Variants in SLC9A9 observed in about 807,000 individuals in gnomAD.
The protein encoded by SLC9A9 is solute carrier family 9 member A9.
A neutral mutation model predicts 77.8 loss-of-function variants in SLC9A9; 62 were observed. The observed-to-expected ratio is 0.80, with a 90% CI of 0.65 to 0.98. The LOEUF (loss-of-function observed/expected upper bound fraction) is 0.98, where lower values mean the gene tolerates loss of function less well. Ranked by LOEUF, SLC9A9 falls within the 50% of genes least tolerant of loss-of-function variation. The probability of loss-of-function intolerance (pLI) is 0.00; values close to 1 mark genes in which losing one functional copy is unlikely to be tolerated. For synonymous variants in SLC9A9, 320 were observed against 283.5 expected (o/e 1.13, Z -1.29); for missense variants, 775 against 774.9 (o/e 1.00, Z 0.00).
In SLC9A9 at chr3:143,268,103, G is replaced by A. The variant is rs1003287145; in HGVS notation, c.1710+772C>T. Among the ~76,000 whole-genome samples the A allele has an allele frequency of 2.6e-5, 4 of 152,190 alleles. No homozygotes were observed. In the East Asian group the frequency reaches 5.8e-4, roughly 22 times the overall value. On this transcript the variant is annotated intron_variant, in intron 15 of 15. Coordinates refer to ENST00000316549, the MANE Select transcript of SLC9A9 (RefSeq NM_173653.4). ...TGTGCCCTGAACACACCTGAGATAA[G>A]TTTTTGCCTGTGTACAGGGCTAGCC...
intron 4 of SLC9A9, among the ~76,000 whole-genome samples, chr3:143,743,237 GGATGGATAGATAGATAGATA>G (rs1385065026): frequency 7.4e-6 from 1 of 134,382 alleles, no homozygotes; most frequent in Non-Finnish European, 1.6e-5. Flanking sequence ...ATGGATGGAT[GGATGGATAGATAGATAGATA>G]GATAGATAGA....
chr3:143,687,928 T>C (rs962365184), intron 5 of SLC9A9, among the ~76,000 whole-genome samples: 17 of 152,022 alleles, frequency 1.1e-4, no homozygotes, highest in African/African-American at 3.9e-4. Flanking sequence ...TCCACTCAGG[T>C]GTTTGATACG....
chr3:143,558,805 A>T (rs2037031990), intron 8 of SLC9A9, among the ~76,000 whole-genome samples: 1 of 151,854 alleles, frequency 6.6e-6, no homozygotes. Flanking sequence ...ACTTTGGGGG[A>T]CTGTTGGAAG....
chr3:143,452,735 T>C (rs2035030063), intron 12 of SLC9A9, among the ~76,000 whole-genome samples: 1 of 151,676 alleles, frequency 6.6e-6, no homozygotes, highest in African/African-American at 2.4e-5. Flanking sequence ...AGAATGTCCT[T>C]ATTTCTAGGT....
At chr3:143,605,613 A>G (rs1446695845) in intron 6 of SLC9A9, among the ~76,000 whole-genome samples, 1 of 152,276 alleles carries the variant, frequency 6.6e-6, no homozygotes, top group Non-Finnish European at 1.5e-5. Context: ...GTACATCTGC[A>G]GATGAGATCT....
chr3:143,523,305 C>T (rs952979595), intron 9 of SLC9A9, among the ~76,000 whole-genome samples: 7 of 152,104 alleles, frequency 4.6e-5, no homozygotes, highest in African/African-American at 1.7e-4. Flanking sequence ...TCAACTTGTA[C>T]ATTGAAATGA....
chr3:143,404,184 T>C (rs2033923573), intron 12 of SLC9A9, among the ~76,000 whole-genome samples: 1 of 151,210 alleles, frequency 6.6e-6, no homozygotes, highest in South Asian at 2.1e-4. Context: ...TTTTCTTTTT[T>C]TTTTTTGGAG....
chr3:143,704,147 A>G (rs2108791104), intron 4 of SLC9A9, among the ~76,000 whole-genome samples: 1 of 152,320 alleles, frequency 6.6e-6, no homozygotes, highest in East Asian at 1.9e-4. Context: ...TCAAAAATTT[A>G]AAGAACTAAT....
intron 4 of SLC9A9, among the ~76,000 whole-genome samples, chr3:143,705,360 A>G (rs1462037395): frequency 6.6e-6 from 1 of 152,154 alleles, no homozygotes; most frequent in African/African-American, 2.4e-5. Flanking sequence ...AAAAGTTAGC[A>G]AGAATGAATA....
chr3:143,309,048 A>G (rs2030922323), intron 14 of SLC9A9, among the ~76,000 whole-genome samples: 1 of 152,152 alleles, frequency 6.6e-6, no homozygotes, highest in Non-Finnish European at 1.5e-5. Flanking sequence ...CAAGGTCTTC[A>G]TGTTCTTTTC....
intron 14 of SLC9A9, among the ~76,000 whole-genome samples, chr3:143,277,803 A>T (rs759045053): frequency 6.6e-6 from 1 of 152,188 alleles, no homozygotes; most frequent in Non-Finnish European, 1.5e-5. Context: ...TTTGAAGGTC[A>T]CTTCCCTGAC....
chr3:143,466,235 C>T (rs913731607), intron 12 of SLC9A9, among the ~76,000 whole-genome samples: 1 of 152,118 alleles, frequency 6.6e-6, no homozygotes, highest in Non-Finnish European at 1.5e-5. Flanking sequence ...CAGGAAGGGA[C>T]TGCATGATCA....
intron 14 of SLC9A9, among the ~76,000 whole-genome samples, chr3:143,271,414 A>C (rs1405699178): frequency 6.6e-6 from 1 of 152,196 alleles, no homozygotes; most frequent in Non-Finnish European, 1.5e-5. Context: ...CTTTGTTGTG[A>C]ATATTGACTG....
intron 9 of SLC9A9, among the ~76,000 whole-genome samples, chr3:143,504,822 A>G (rs1046492171): frequency 1.3e-5 from 2 of 152,186 alleles, no homozygotes; most frequent in Non-Finnish European, 2.9e-5. Context: ...AAAGGCATTA[A>G]TACACTTGCA....
chr3:143,686,318 A>G (rs1008333127), intron 5 of SLC9A9, among the ~76,000 whole-genome samples: 2 of 152,206 alleles, frequency 1.3e-5, no homozygotes, highest in African/African-American at 4.8e-5. Context: ...CCCACACAGA[A>G]GACAAAGAAG....
chr3:143,816,680 G>T (rs1361915364), intron 2 of SLC9A9, among the ~76,000 whole-genome samples: 1 of 152,148 alleles, frequency 6.6e-6, no homozygotes, highest in Non-Finnish European at 1.5e-5. Context: ...AAAATACCTA[G>T]AAGTGGGCCT....
intron 2 of SLC9A9, among the ~76,000 whole-genome samples, chr3:143,807,844 A>C (rs1024540746): frequency 6.6e-5 from 10 of 152,224 alleles, no homozygotes; most frequent in African/African-American, 2.2e-4. Context: ...TAGCATGGGC[A>C]GATGGGGTTG....
chr3:143,341,652 G>A (rs2032101967), intron 14 of SLC9A9, among the ~76,000 whole-genome samples: 3 of 152,082 alleles, frequency 2.0e-5, no homozygotes, highest in Admixed American at 2.0e-4. Context: ...CCCGAACCCT[G>A]TTCAAATAAA....
intron 6 of SLC9A9, among the ~76,000 whole-genome samples, chr3:143,612,747 C>G (rs940498636): frequency 2.0e-5 from 3 of 152,214 alleles, no homozygotes; most frequent in African/African-American, 4.8e-5. Flanking sequence ...TCCCTAAGGG[C>G]AAATTTTGTG....
Sources: gnomAD v4.1 joint callset for allele counts (sites outside exome capture counted in the v4.1 genomes callset) on GRCh38, gnomAD v4.1.1 for gene constraint, MANE v1.5 for transcripts, NCBI Gene and HGNC (gene_info 2026-07-23, HGNC 2026-07-21) for gene names.